Variants in NTM observed in about 807,000 individuals in gnomAD.
NTM encodes the protein neurotrimin.
Under a neutral mutation model 42.1 loss-of-function variants are expected in NTM, and 13 were observed. The observed-to-expected ratio is 0.31, with a 90% CI of 0.20 to 0.49. NTM has a LOEUF of 0.49. NTM is among the 20% of genes least tolerant of loss of function. The pLI is 0.99. For synonymous variants in NTM, 187 were observed against 179.2 expected (o/e 1.04, Z -0.35); for missense variants, 373 against 452.8 (o/e 0.82, Z 1.60).
chr11:131,940,449 G>T (rs1399235020), intron 2 of NTM, among the ~76,000 whole-genome samples: 2 of 152,186 alleles, frequency 1.3e-5, no homozygotes, highest in Non-Finnish European at 2.9e-5. Context: ...GAGGGTATCT[G>T]TATTTACTTG....
rs1204415946 is a variant in NTM at position 131,533,474 on chromosome 11, T to G, written c.82+162586T>G. On this transcript the variant is annotated intron_variant, in intron 1 of 8. Coordinates refer to ENST00000683400, the MANE Select transcript of NTM (RefSeq NM_001352005.2). ...ATCACTGAAATGGGGGGCCTGGGCC[T>G]TCTGCTTAAATGGCTTCTCTGCCCA... Among the ~76,000 whole-genome samples the G allele has an allele frequency of 4.6e-5, 7 of 152,294 alleles. No individual in the cohort carries two copies. In the East Asian group the frequency reaches 1.4e-3, roughly 29 times the overall value.
At chr11:131,559,275 A>G (rs1370572574) in intron 1 of NTM, among the ~76,000 whole-genome samples, 1 of 152,256 alleles carries the variant, frequency 6.6e-6, no homozygotes, top group African/African-American at 2.4e-5. Flanking sequence ...TTAGTAAAAC[A>G]TATGGCTATT....
At chr11:131,789,611 A>G (rs867024939) in intron 1 of NTM, among the ~76,000 whole-genome samples, 35 of 83,414 alleles carry the variant, frequency 4.2e-4, no homozygotes, top group South Asian at 6.8e-4. Flanking sequence ...GAAGAAGAAG[A>G]AGAAGAAGAA....
Position 131,927,753 on chromosome 11 carries a change from A to G in NTM, c.167+16105A>G, listed in dbSNP as rs376768943. On this transcript the variant is annotated intron_variant, in intron 2 of 8. Transcript: ENST00000683400. The stretch of plus-strand genomic sequence containing the variant: ...AGAAGGATTTCATTGACACTGTTAC[A>G]GAGACATAAAATCACAGAGCCCTGT... Among the ~76,000 whole-genome samples, 62 of 152,372 alleles carry G rather than the reference A, an allele frequency of 4.1e-4. 1 individual carries two copies. The South Asian group carries it at 0.013, about 32-fold the overall frequency.
chr11:132,029,058 G>A lies in NTM; in HGVS notation c.168-117224G>A, dbSNP rs1264589547. On this transcript the variant is annotated intron_variant, in intron 2 of 8. Coordinates refer to ENST00000683400, the MANE Select transcript of NTM (RefSeq NM_001352005.2). ...GTAGAGGGTTGTATGGTTGGTTGGTGTGGGTTTTTTTTTTTGTTTTGTTTT... is the reference window on the plus strand; with the variant it reads ...GTAGAGGGTTGTATGGTTGGTTGGTATGGGTTTTTTTTTTTGTTTTGTTTT... Among the ~76,000 whole-genome samples the A allele has an allele frequency of 1.1e-4, 3 of 28,390 alleles. No homozygotes were observed. The African/African-American group carries it at 1.2e-3, about 12-fold the overall frequency. 18.6% of individuals were successfully genotyped at this position (28,390 alleles called of 152,430 possible). A position where few individuals can be genotyped will look rare whatever the true frequency, so the allele number is the denominator to read the frequency against.
chr11:132,217,338 T>TTC (rs3066163), intron 4 of NTM, among the ~76,000 whole-genome samples: 21 of 147,276 alleles, frequency 1.4e-4, no homozygotes, highest in East Asian at 1.4e-3. Flanking sequence ...TTGTGCCTCT[T>TTC]TCTCTCTCTC....
intron 1 of NTM, among the ~76,000 whole-genome samples, chr11:131,454,313 AC>A (rs1203720097): frequency 6.6e-6 from 1 of 152,244 alleles, no homozygotes; most frequent in Non-Finnish European, 1.5e-5. Context: ...GGGGTTCTGT[AC>A]TATCCACTGT....
At chr11:131,911,769 G>A in intron 2 of NTM, 121 bp downstream of exon 2, 1 of 1,263,250 alleles carries the variant, frequency 7.9e-7, no homozygotes, top group Non-Finnish European at 1.1e-6. Context: ...GGTTCCCTGG[G>A]CTGCACAATT....
intron 2 of NTM, among the ~76,000 whole-genome samples, chr11:132,032,149 T>C (rs11222871): frequency 0.087 from 13,262 of 152,260 alleles, 769 homozygotes; most frequent in Non-Finnish European, 0.13. Flanking sequence ...TGACCATGCA[T>C]CCACTACTGT....
chr11:131,518,894 A>C (rs2049234136), intron 1 of NTM, among the ~76,000 whole-genome samples: 1 of 152,224 alleles, frequency 6.6e-6, no homozygotes, highest in African/African-American at 2.4e-5. Flanking sequence ...TAGGACAACA[A>C]CACATTTTCC....
chr11:131,561,199 G>T (rs1290310719), intron 1 of NTM, among the ~76,000 whole-genome samples: 1 of 152,178 alleles, frequency 6.6e-6, no homozygotes, highest in East Asian at 1.9e-4. Flanking sequence ...AAGTTTCCTG[G>T]CTTAGAAGGG....
At chr11:132,256,870 A>G (rs1459614755) in intron 4 of NTM, among the ~76,000 whole-genome samples, 2 of 152,170 alleles carry the variant, frequency 1.3e-5, no homozygotes, top group Non-Finnish European at 2.9e-5. Flanking sequence ...CCTAGCTCCC[A>G]CAGACAGGAT....
intron 4 of NTM, among the ~76,000 whole-genome samples, chr11:132,250,304 A>AT (rs767877399): frequency 1.1e-4 from 17 of 150,002 alleles, no homozygotes; most frequent in Non-Finnish European, 1.8e-4. Flanking sequence ...TGCTTTTAAG[A>AT]TTTTTTCTTT....
intron 1 of NTM, among the ~76,000 whole-genome samples, chr11:131,677,428 G>A (rs1027530071): frequency 6.6e-6 from 1 of 152,174 alleles, no homozygotes; most frequent in African/African-American, 2.4e-5. Flanking sequence ...ATATCAGCGA[G>A]GTGCCTGAAG....
chr11:131,425,348 C>A (rs1489748565), intron 1 of NTM, among the ~76,000 whole-genome samples: 1 of 152,210 alleles, frequency 6.6e-6, no homozygotes, highest in African/African-American at 2.4e-5. Context: ...AGTTACAAAC[C>A]CTCACACCTA....
At chr11:131,671,854 C>T (rs1259262076) in intron 1 of NTM, among the ~76,000 whole-genome samples, 2 of 152,192 alleles carry the variant, frequency 1.3e-5, no homozygotes, top group African/African-American at 4.8e-5. Flanking sequence ...TAAGGCCCCT[C>T]TGAAGGCCAA....
chr11:132,138,604 A>G (rs1174362122), intron 2 of NTM, among the ~76,000 whole-genome samples: 1 of 55,306 alleles, frequency 1.8e-5, no homozygotes, highest in Non-Finnish European at 5.5e-5. Context: ...CTATCTATCT[A>G]TCTATCTATC....
intron 1 of NTM, among the ~76,000 whole-genome samples, chr11:131,577,352 G>A (rs865846626): frequency 2.0e-5 from 3 of 151,740 alleles, no homozygotes; most frequent in East Asian, 2.0e-4. Context: ...TTACTTAGTC[G>A]CTCTGTCCTG....
intron 3 of NTM, among the ~76,000 whole-genome samples, chr11:132,150,013 C>A (rs2137409018): frequency 6.6e-6 from 1 of 152,264 alleles, no homozygotes; most frequent in South Asian, 2.1e-4. Context: ...GCTGGTAATT[C>A]ACACACATAA....
Sources: allele counts gnomAD v4.1 joint callset (sites outside exome capture counted in the v4.1 genomes callset), GRCh38; gene constraint gnomAD v4.1.1; transcripts MANE v1.5; gene names NCBI Gene and HGNC (gene_info 2026-07-23, HGNC 2026-07-21).